The following NLRP1 variants were observed in gnomAD, a reference collection of about 807,000 sequenced individuals.
NLRP1 encodes the protein NLR family pyrin domain containing 1.
NLRP1 carries 94 observed loss-of-function variants against 136.7 expected under a neutral mutation model. The ratio of observed to expected loss-of-function variants is 0.69; its 90% CI spans 0.58 to 0.82. NLRP1 has a LOEUF of 0.82. Among genes scored for constraint, NLRP1 ranks in the 40% least tolerant of loss-of-function variants. NLRP1 has a pLI of 0.00. For missense variants in NLRP1, 1,575 were observed against 1,802.7 expected, an observed-to-expected ratio of 0.87 and a Z score of 2.29; for synonymous variants, 690 against 725.1, an observed-to-expected ratio of 0.95 and a Z score of 0.78.
Position 5,521,617 on chromosome 17 carries a change from G to A in NLRP1, c.3690C>T (p.Pro1230=), listed in dbSNP as rs200045256. ...GGTAAAGCAACACCACAGAGGTGAC[G>A]GGAATGAAGCGCAGGGCATTATGGA... ...KMIHNALRFI[P]VTSVVLLYHR... The change falls in exon 13 of 17, where the codon CCC becomes CCT. Residue 1230 remains proline (P), a synonymous_variant. Coordinates refer to ENST00000572272, the MANE Select transcript of NLRP1 (RefSeq NM_033004.4). 20 of 1,613,990 alleles carry A rather than the reference G, an allele frequency of 1.2e-5. No individual in the cohort carries two copies. The highest frequency in any genetic ancestry group is 8.0e-5 in the African/African-American group (6 of 74,910).
intron 3 of NLRP1, among the ~76,000 whole-genome samples, chr17:5,573,204 G>A (rs886899564): frequency 3.9e-5 from 6 of 152,144 alleles, no homozygotes; most frequent in African/African-American, 9.7e-5. Context: ...CTGTACCCAC[G>A]GAGCCTCACT....
Position 5,559,343 on chromosome 17 carries a change from C to G in NLRP1, c.1353G>C (p.Glu451Asp). The change falls in exon 4 of 17, where the codon GAG (glutamate) becomes GAC (aspartate). Residue 451 changes from glutamate (E) to aspartate (D), a missense_variant. Transcript: ENST00000572272. ...TCCGAGCCGTGATCAGGAAGGATGC[C>G]TCGGGAAGTATAGTTTTCCCCAGCA... ...GSLLGKTILPEASFLITARTT... is the reference protein window; with the variant it reads ...GSLLGKTILPDASFLITARTT... The G allele has an allele frequency of 1.2e-6, 2 of 1,614,012 alleles. No individual in the cohort carries two copies. Among genetic ancestry groups the G allele is most frequent in the Non-Finnish European group, 1.7e-6 (2 of 1,179,904 alleles).
chr17:5,575,188 A>G (rs1904890461), intron 3 of NLRP1, among the ~76,000 whole-genome samples: 1 of 152,226 alleles, frequency 6.6e-6, no homozygotes, highest in African/African-American at 2.4e-5. Context: ...TGTAAAGACC[A>G]CCAATGCTAG....
chr17:5,553,334 C>T, intron 5 of NLRP1, 52 bp downstream of exon 5: 1 of 1,518,516 alleles, frequency 6.6e-7, no homozygotes, highest in Non-Finnish European at 8.9e-7. Flanking sequence ...CAGCTTCTGC[C>T]TTGGATCTCT....
In NLRP1 at chr17:5,560,180, G is replaced by A. The variant is rs1021844915; in HGVS notation, c.653-137C>T. The A allele has an allele frequency of 2.9e-5, 23 of 796,198 alleles. No homozygotes were observed. The African/African-American group carries it at 3.8e-4, about 13-fold the overall frequency. The allele number at this position is 796,198 out of a possible 1,614,324, so 49.3% of individuals were successfully genotyped here. ...AGACACTGGTATGTTCTTGCCATGCGGCGGAAGGACATGTGCTTTGGGGTA... is the reference window on the plus strand; with the variant it reads ...AGACACTGGTATGTTCTTGCCATGCAGCGGAAGGACATGTGCTTTGGGGTA... On this transcript the variant is annotated intron_variant, in intron 3 of 16. Coordinates refer to ENST00000572272, the MANE Select transcript of NLRP1 (RefSeq NM_033004.4).
intron 3 of NLRP1, among the ~76,000 whole-genome samples, chr17:5,565,715 T>C (rs1915256815): frequency 6.6e-6 from 1 of 152,198 alleles, no homozygotes; most frequent in Non-Finnish European, 1.5e-5. Flanking sequence ...GTAATAGTCC[T>C]TCCTCCTCTA....
In NLRP1 at chr17:5,536,923, A is replaced by G. The variant is rs1353447223; in HGVS notation, c.2888T>C (p.Leu963Pro). Reference protein sequence around the residue: ...LIRLGLDQTTLSDEMRQELRA... With the variant: ...LIRLGLDQTTPSDEMRQELRA... ...CAGTTCCTGCCTCATCTCATCACTC[A>G]GAGTTGTCTGGTCCAGCCTGAAAGC... Residue 963 changes from leucine (L) to proline (P), a missense_variant, in exon 8 of 17, where the codon CTG becomes CCG. Leu to Pro is a moderately conservative substitution (Grantham distance 98). Coordinates refer to ENST00000572272, the MANE Select transcript of NLRP1 (RefSeq NM_033004.4). 1 of 1,613,450 alleles carries G rather than the reference A, an allele frequency of 6.2e-7. No homozygotes were observed. Among genetic ancestry groups the G allele is most frequent in the Middle Eastern group, 1.6e-4 (1 of 6,062 alleles).
chr17:5,566,917 C>T (rs1288154270), intron 3 of NLRP1, among the ~76,000 whole-genome samples: 1 of 152,034 alleles, frequency 6.6e-6, no homozygotes, highest in Non-Finnish European at 1.5e-5. Context: ...TATATAGTGA[C>T]CTTCTTTGTC....
At chr17:5,555,057 GA>G (rs1200089150) in intron 4 of NLRP1, among the ~76,000 whole-genome samples, 2 of 130,436 alleles carry the variant, frequency 1.5e-5, no homozygotes, top group Non-Finnish European at 3.2e-5. Context: ...ACACACACAC[GA>G]AAAAAAGCCA....
At chr17:5,521,152 C>T in intron 13 of NLRP1, 140 bp from the exon 14 acceptor site, 2 of 803,596 alleles carry the variant, frequency 2.5e-6, no homozygotes, top group Non-Finnish European at 3.8e-6. Context: ...CCATGCACTG[C>T]TACAGAGACA....
At chr17:5,516,647 T>C (rs151048126) in intron 15 of NLRP1, among the ~76,000 whole-genome samples, 1 of 152,328 alleles carries the variant, frequency 6.6e-6, no homozygotes, top group East Asian at 1.9e-4. Flanking sequence ...TCCTACAAAT[T>C]AGTCATTATG....
At position 5,517,806 on chromosome 17, in the gene NLRP1, T is replaced by A. The variant is rs1161106446; in HGVS notation, c.3997A>T (p.Arg1333Trp). Residue 1333 changes from arginine (R) to tryptophan (W), a missense_variant, in exon 15 of 17, where the codon AGG becomes TGG. Arg to Trp is a moderately radical substitution (Grantham distance 101). Coordinates refer to ENST00000572272, the MANE Select transcript of NLRP1 (RefSeq NM_033004.4). ...FYVGHLGSGI[R>W]LQVKDKKDET... ...TCTTTCTTGTCTTTCACTTGCAGCC[T>A]GATCCCTGATCCCAAGTGGCCAACG... 7 of 1,614,206 alleles carry A rather than the reference T, an allele frequency of 4.3e-6. No homozygotes were observed. Among genetic ancestry groups the A allele is most frequent in the Non-Finnish European group, 5.9e-6 (7 of 1,180,020 alleles).
At chr17:5,524,272 TG>T (rs1175890641) in intron 12 of NLRP1, among the ~76,000 whole-genome samples, 1 of 152,240 alleles carries the variant, frequency 6.6e-6, no homozygotes, top group African/African-American at 2.4e-5. Flanking sequence ...TTGTAGTCCA[TG>T]ATACTTTGTC....
At chr17:5,539,296 G>A (rs1205921539) in intron 7 of NLRP1, 119 bp downstream of exon 7, 2 of 874,928 alleles carry the variant, frequency 2.3e-6, no homozygotes, top group Non-Finnish European at 3.4e-6. Context: ...CACAGTGTAA[G>A]TGGTAGAGCT....
intron 3 of NLRP1, among the ~76,000 whole-genome samples, chr17:5,562,012 G>A (rs1373854009): frequency 1.3e-5 from 2 of 151,814 alleles, no homozygotes; most frequent in Non-Finnish European, 2.9e-5. Flanking sequence ...AGCTTCCAGC[G>A]CAGTGGTCCT....
chr17:5,518,829 C>A (rs1039782633), intron 14 of NLRP1, among the ~76,000 whole-genome samples: 1 of 151,014 alleles, frequency 6.6e-6, no homozygotes, highest in Non-Finnish European at 1.5e-5. Context: ...TGTACCCAAC[C>A]ACAACAGCAT....
Position 5,558,661 on chromosome 17 carries a change from T to C in NLRP1, c.2035A>G (p.Ser679Gly). 1 of 1,614,104 alleles carries C rather than the reference T, an allele frequency of 6.2e-7. No individual in the cohort carries two copies. Among genetic ancestry groups the C allele is most frequent in the Non-Finnish European group, 8.5e-7 (1 of 1,180,008 alleles). Residue 679 changes from serine (S) to glycine (G), a missense_variant, in exon 4 of 17, where the codon AGT (serine) becomes GGT (glycine). Transcript: ENST00000572272. ...STTRFLLGLL[S>G]DEGEREMENI... is the part of the protein sequence containing the mutation. The stretch of plus-strand genomic sequence containing the variant: ...TCCATCTCTCTCTCCCCCTCATCAC[T>C]TAACAGGCCCAATAGGAAACGTGTG...
At chr17:5,531,168 T>TA (rs1567639727) in intron 11 of NLRP1, among the ~76,000 whole-genome samples, 6 of 142,214 alleles carry the variant, frequency 4.2e-5, no homozygotes, top group African/African-American at 1.6e-4. Context: ...CTATCTAATC[T>TA]ATCTAATCTA....
At chr17:5,533,825 G>C in intron 9 of NLRP1, 72 bp downstream of exon 9, 1 of 1,006,956 alleles carries the variant, frequency 9.9e-7, no homozygotes, top group South Asian at 1.4e-5. Context: ...GAGGGATGGA[G>C]GGAATGACCT....
Sources: allele counts gnomAD v4.1 joint callset (sites outside exome capture counted in the v4.1 genomes callset), GRCh38; gene constraint gnomAD v4.1.1; transcripts MANE v1.5; gene names NCBI Gene and HGNC (gene_info 2026-07-23, HGNC 2026-07-21).